Variants in ARL15 observed in about 807,000 individuals in gnomAD.
The protein encoded by ARL15 is ADP-ribosylation factor-like protein 15.
In ARL15, 19 loss-of-function variants were observed where a neutral mutation model predicts 25.2. The ratio of observed to expected loss-of-function variants is 0.75; its 90% CI spans 0.53 to 1.10. The LOEUF (loss-of-function observed/expected upper bound fraction) is 1.10. Among genes scored for constraint, ARL15 ranks in the 50% least tolerant of loss-of-function variants. The probability of loss-of-function intolerance (pLI) is 0.00; values close to 1 mark genes in which losing one functional copy is unlikely to be tolerated. For synonymous variants in ARL15, 94 were observed against 86.8 expected (o/e 1.08, Z -0.46); for missense variants, 220 against 246.0 (o/e 0.89, Z 0.71).
chr5:54,259,298 G>A (rs1757440233), intron 1 of ARL15, among the ~76,000 whole-genome samples: 2 of 151,996 alleles, frequency 1.3e-5, no homozygotes, highest in Admixed American at 1.3e-4. Flanking sequence ...ACTTAACCTT[G>A]GGGTTGGCTG....
intron 4 of ARL15, among the ~76,000 whole-genome samples, chr5:54,066,275 G>C (rs1199672516): frequency 1.3e-5 from 2 of 152,110 alleles, no homozygotes. Flanking sequence ...GAATTCACGA[G>C]CGACATAGTG....
At chr5:53,997,612 G>A (rs1748724013) in intron 4 of ARL15, among the ~76,000 whole-genome samples, 1 of 152,044 alleles carries the variant, frequency 6.6e-6, no homozygotes, top group African/African-American at 2.4e-5. Context: ...GATAAAAAGT[G>A]TTCTCTAAGA....
chr5:53,999,757 G>A (rs1047327812), intron 4 of ARL15, among the ~76,000 whole-genome samples: 9 of 151,928 alleles, frequency 5.9e-5, no homozygotes, highest in African/African-American at 1.2e-4. Flanking sequence ...CTACATGGGC[G>A]TGGTGGCACA....
chr5:53,984,385 T>C (rs927645577), intron 4 of ARL15, among the ~76,000 whole-genome samples: 1 of 152,178 alleles, frequency 6.6e-6, no homozygotes, highest in Non-Finnish European at 1.5e-5. Context: ...TGCTTGCTTT[T>C]CCCTTTCTTT....
At chr5:54,128,992 C>T (rs555742741) in intron 3 of ARL15, among the ~76,000 whole-genome samples, 8 of 152,122 alleles carry the variant, frequency 5.3e-5, no homozygotes, top group East Asian at 1.9e-4. Flanking sequence ...GCATGGGCCA[C>T]GGCGCCTGGC....
chr5:54,269,214 A>C (rs960451741), intron 1 of ARL15, among the ~76,000 whole-genome samples: 9 of 152,176 alleles, frequency 5.9e-5, no homozygotes, highest in African/African-American at 1.9e-4. Context: ...TAAAACTTAA[A>C]GTATAATAAG....
chr5:53,931,731 C>A (rs187259543), intron 4 of ARL15, among the ~76,000 whole-genome samples: 2 of 152,152 alleles, frequency 1.3e-5, no homozygotes, highest in Non-Finnish European at 1.5e-5. Context: ...CAACTAAAAC[C>A]AAACACAATG....
intron 3 of ARL15, among the ~76,000 whole-genome samples, chr5:54,127,540 C>T (rs1403498328): frequency 1.3e-5 from 2 of 151,412 alleles, no homozygotes; most frequent in Non-Finnish European, 2.9e-5. Flanking sequence ...AATGGAAGAA[C>T]ATTCCATGCT....
At chr5:53,892,464 G>A (rs895500548) in intron 4 of ARL15, among the ~76,000 whole-genome samples, 1 of 152,150 alleles carries the variant, frequency 6.6e-6, no homozygotes, top group East Asian at 1.9e-4. Flanking sequence ...CTTGAACCAC[G>A]TGCAGCTATT....
chr5:54,004,317 A>G (rs566611195), intron 4 of ARL15, among the ~76,000 whole-genome samples: 231 of 152,068 alleles, frequency 1.5e-3, no homozygotes, highest in Non-Finnish European at 2.7e-3. Context: ...ACATGGTGAA[A>G]CCCCGTCTCT....
At chr5:54,143,538 G>T (rs888612028) in intron 3 of ARL15, among the ~76,000 whole-genome samples, 1 of 151,728 alleles carries the variant, frequency 6.6e-6, no homozygotes, top group African/African-American at 2.4e-5. Flanking sequence ...ATCCGTATTA[G>T]AAAAGGGAAT....
chr5:53,892,097 C>A (rs971001898), intron 4 of ARL15, among the ~76,000 whole-genome samples: 10 of 152,184 alleles, frequency 6.6e-5, no homozygotes, highest in African/African-American at 2.4e-4. Context: ...CTTGGACTTA[C>A]TTCCACTGGA....
chr5:54,079,967 T>TCACACACACA (rs58908566), intron 4 of ARL15, among the ~76,000 whole-genome samples: 5 of 124,376 alleles, frequency 4.0e-5, no homozygotes, highest in Non-Finnish European at 8.4e-5. Context: ...TGAGACTCCG[T>TCACACACACA]CACACACACA....
At chr5:54,128,021 A>G (rs1052769479) in intron 3 of ARL15, among the ~76,000 whole-genome samples, 2 of 152,248 alleles carry the variant, frequency 1.3e-5, no homozygotes, top group African/African-American at 4.8e-5. Flanking sequence ...AATTAATTCA[A>G]GATGGAGCTA....
chr5:54,280,703 T>A (rs537449368), intron 1 of ARL15, among the ~76,000 whole-genome samples: 1 of 152,358 alleles, frequency 6.6e-6, no homozygotes, highest in South Asian at 2.1e-4. Flanking sequence ...TGTTCTTCTG[T>A]ACGAAGCAGA....
At chr5:54,285,725 G>C (rs1758163667) in intron 1 of ARL15, among the ~76,000 whole-genome samples, 1 of 152,130 alleles carries the variant, frequency 6.6e-6, no homozygotes, top group Non-Finnish European at 1.5e-5. Flanking sequence ...AGGGCATACG[G>C]GAGCAGTAAA....
intron 4 of ARL15, chr5:54,075,558 ACCTCCACCT>A (rs1360814782): frequency 6.5e-6 from 1 of 152,758 alleles, no homozygotes; most frequent in Non-Finnish European, 1.5e-5. Context: ...GCTCACTGCA[ACCTCCACCT>A]CCTCCGCCTC....
intron 4 of ARL15, among the ~76,000 whole-genome samples, chr5:53,966,177 T>G (rs1179484085): frequency 1.3e-5 from 2 of 152,014 alleles, no homozygotes; most frequent in Non-Finnish European, 2.9e-5. Context: ...GGACTGAAGA[T>G]CAAGTTGATC....
chr5:54,144,147 A>G (rs1270959263), intron 3 of ARL15, among the ~76,000 whole-genome samples: 1 of 151,992 alleles, frequency 6.6e-6, no homozygotes, highest in East Asian at 1.9e-4. Flanking sequence ...ATTTCTAAGT[A>G]TGGTTATTTT....
Sources: gnomAD v4.1 joint callset for allele counts (sites outside exome capture counted in the v4.1 genomes callset) on GRCh38, gnomAD v4.1.1 for gene constraint, MANE v1.5 for transcripts, NCBI Gene and HGNC (gene_info 2026-07-23, HGNC 2026-07-21) for gene names.